The following JMJD6 variants were observed in gnomAD, a reference collection of about 807,000 sequenced individuals.
The protein encoded by JMJD6 is jumonji domain containing 6, arginine demethylase and lysine hydroxylase, also known as bifunctional arginine demethylase and lysyl-hydroxylase JMJD6.
A neutral mutation model predicts 45.8 loss-of-function variants in JMJD6; 17 were observed. The ratio of observed to expected loss-of-function variants is 0.37; its 90% CI spans 0.25 to 0.56. The LOEUF is 0.56. JMJD6 is among the 20% of genes least tolerant of loss of function. The pLI, the probability that JMJD6 is intolerant of heterozygous loss-of-function variation, is 0.79. For missense variants in JMJD6, 470 were observed against 517.5 expected (o/e 0.91, Z 0.89); for synonymous variants, 221 against 196.3 (o/e 1.13, Z -1.05).
intron 2 of JMJD6, among the ~76,000 whole-genome samples, chr17:76,724,347 C>A (rs2076870201): frequency 6.6e-6 from 1 of 151,772 alleles, no homozygotes; most frequent in Non-Finnish European, 1.5e-5. Context: ...GTCTCGAACT[C>A]CTGGCCTCAA....
At position 76,718,641 on chromosome 17, in the gene JMJD6, C is replaced by T. The variant is rs1335057994; in HGVS notation, c.*88G>A. 2.0e-6 allele frequency: 3 copies of T among 1,527,944 alleles called. No homozygotes were observed. The highest frequency in any genetic ancestry group is 2.6e-6 in the Non-Finnish European group (3 of 1,140,776). The allele number at this position is 1,527,944 out of a possible 1,614,324, so 94.6% of individuals were successfully genotyped here. On this transcript the variant is annotated 3_prime_UTR_variant, in exon 6 of 6. Coordinates refer to ENST00000397625, the MANE Select transcript of JMJD6 (RefSeq NM_015167.3). ...ATTCTTGGGCTCTGTCAGGCCTCCC[C>T]TTGTCTGCAGGACTGGACAGGCCAC...
In JMJD6 at chr17:76,721,776, A is replaced by G. The variant is rs780217275; in HGVS notation, c.941+22T>C. ...GGGTCGAAATTGAAACCAAGCAGAA[A>G]TAAGAAAAAAATGACTCTCACCTAT... is the stretch of plus-strand genomic sequence containing the variant. On this transcript the variant is annotated intron_variant, in intron 4 of 5. Transcript: ENST00000397625. 4 of 1,609,092 alleles carry G rather than the reference A, an allele frequency of 2.5e-6. No homozygotes were observed. In the Admixed American group the frequency reaches 5.1e-5, roughly 20 times the overall value.
At chr17:76,713,163 T>A (rs2076741582) in exon 7 of JMJD6, 1 of 152,350 alleles carries the variant, frequency 6.6e-6, no homozygotes, top group African/African-American at 2.4e-5. Context: ...AGTGGCTTGA[T>A]CTCAGCTCAC....
intron 3 of JMJD6, 138 bp downstream of exon 3, chr17:76,723,634 G>A (rs922024917): frequency 5.3e-5 from 42 of 792,434 alleles, no homozygotes; most frequent in Non-Finnish European, 7.5e-5. Context: ...GTAGAGACGG[G>A]GTTTCACCGT....
Position 76,725,545 on chromosome 17 carries a change from A to G in JMJD6, c.440T>C (p.Leu147Ser), listed in dbSNP as rs376208302. 2.0e-5 allele frequency: 33 copies of G among 1,614,066 alleles called. No individual in the cohort carries two copies. Among genetic ancestry groups the G allele is most frequent in the Non-Finnish European group, 2.8e-5 (33 of 1,180,034 alleles). ...AAACTTTGGCACCTTGTAGTCTTCC[A>G]AAAGTTTCCTTCTTTTAGGGTGTTC... is the stretch of plus-strand genomic sequence containing the variant. ...YGEHPKRRKL[L>S]EDYKVPKFFT... The change falls in exon 2 of 6, where the codon TTG becomes TCG. Residue 147 changes from leucine to serine, a missense_variant. Physicochemically the swap from Leu to Ser is moderately radical, Grantham distance 145. This residue lies in a region of JMJD6 where 346 missense variants were observed against 339.5 expected (regional missense o/e 1.02). Coordinates refer to ENST00000397625, the MANE Select transcript of JMJD6 (RefSeq NM_015167.3).
rs767600969 is a variant in JMJD6, at chr17:76,726,493, T to A, written c.-18A>T. ...TGGTTCATTCTGCGGGGTCGCCAGC[T>A]GGTTCCGCTACGACCTCGGCGCAGC... On this transcript the variant is annotated 5_prime_UTR_variant, in exon 1 of 6. Transcript: ENST00000397625. 26 of 1,585,060 alleles carry A rather than the reference T, an allele frequency of 1.6e-5. No homozygotes were observed. Among genetic ancestry groups the A allele is most frequent in the Non-Finnish European group, 1.9e-5 (22 of 1,166,346 alleles).
rs1367530719 is a variant in JMJD6 at position 76,726,491 on chromosome 17, G to A, written c.-16C>T. 5.0e-6 allele frequency: 8 copies of A among 1,585,158 alleles called. No individual in the cohort carries two copies. The highest frequency in any genetic ancestry group is 1.1e-5 in the South Asian group (1 of 89,004). On this transcript the variant is annotated 5_prime_UTR_variant, in exon 1 of 6. Transcript: ENST00000397625. ...TGTGGTTCATTCTGCGGGGTCGCCA[G>A]CTGGTTCCGCTACGACCTCGGCGCA...
In JMJD6 at chr17:76,718,560, G is replaced by C; in HGVS notation, c.*169C>G. On this transcript the variant is annotated 3_prime_UTR_variant, in exon 6 of 6. Coordinates refer to ENST00000397625, the MANE Select transcript of JMJD6 (RefSeq NM_015167.3). ...GCGTTTATCTGCATTGGTAGCAGAG[G>C]GAAAGCTACTGGAGCAAACGCTAAG... 7.2e-7 allele frequency: 1 copy of C among 1,393,546 alleles called. No individual in the cohort carries two copies. The highest frequency in any genetic ancestry group is 9.3e-7 in the Non-Finnish European group (1 of 1,076,370). 86.3% of individuals were successfully genotyped at this position (1,393,546 alleles called of 1,614,324 possible).
rs1382001261 is a variant in JMJD6 at position 76,725,688 on chromosome 17, G to C, written c.297C>G (p.Phe99Leu). 2 of 1,614,024 alleles carry C rather than the reference G, an allele frequency of 1.2e-6. No individual in the cohort carries two copies. Among genetic ancestry groups the C allele is most frequent in the Non-Finnish European group, 1.7e-6 (2 of 1,180,004 alleles). ...RLKRKYRNQKFKCGEDNDGYS... is the reference protein window; with the variant it reads ...RLKRKYRNQKLKCGEDNDGYS... Reference sequence around the variant, plus strand: ...AGCCATCGTTATCCTCACCACACTTGAACTTCTGGTTCCGATATTTCCTTT... The same window carrying C: ...AGCCATCGTTATCCTCACCACACTTCAACTTCTGGTTCCGATATTTCCTTT... The change falls in exon 2 of 6, where the codon TTC becomes TTG. Residue 99 changes from phenylalanine to leucine, a missense_variant. Phe to Leu is a conservative substitution (Grantham distance 22). Around this residue, in one of 4 missense-constraint regions of JMJD6, gnomAD observed 346 missense variants for 339.5 expected, o/e 1.02. Coordinates refer to ENST00000397625, the MANE Select transcript of JMJD6 (RefSeq NM_015167.3).
At position 76,725,715 on chromosome 17, in the gene JMJD6, T is replaced by G. The variant is rs376815189; in HGVS notation, c.270A>C (p.Leu90=). ...ACTTCTGGTTCCGATATTTCCTTTT[T>G]AGGCGCTCCAGAGTCCATTTCTCCT... ...SAQEKWTLER[L]KRKYRNQKFK... The change falls in exon 2 of 6, where the codon CTA becomes CTC. Residue 90 remains leucine, a synonymous_variant. Coordinates refer to ENST00000397625, the MANE Select transcript of JMJD6 (RefSeq NM_015167.3). The G allele has an allele frequency of 6.2e-7, 1 of 1,614,026 alleles. No homozygotes were observed. Among genetic ancestry groups the G allele is most frequent in the Non-Finnish European group, 8.5e-7 (1 of 1,180,020 alleles).
downstream of JMJD6, chr17:76,718,324 G>A (rs533610040): frequency 8.3e-4 from 481 of 581,808 alleles, no homozygotes; most frequent in South Asian, 0.015. Context: ...CTCTCCCTAC[G>A]CTGCTGGGAC....
rs548310940 is a variant in JMJD6, at chr17:76,718,516, T to C, written c.*213A>G. 1.2e-4 allele frequency: 168 copies of C among 1,363,388 alleles called. 1 individual carries two copies. Among genetic ancestry groups the C allele is most frequent in the Non-Finnish European group, 1.5e-4 (158 of 1,061,638 alleles). The allele number at this position is 1,363,388 out of a possible 1,614,324, so 84.5% of individuals were successfully genotyped here. A position where few individuals can be genotyped will look rare whatever the true frequency, so the allele number is the denominator to read the frequency against. On this transcript the variant is annotated 3_prime_UTR_variant, in exon 6 of 6. Transcript: ENST00000397625. ...TTTCTTGGCACTATTCACATTCTCTTGCCTGAGTAAAACAAGCCGCGTTTA... is the reference window on the plus strand; with the variant it reads ...TTTCTTGGCACTATTCACATTCTCTCGCCTGAGTAAAACAAGCCGCGTTTA...
chr17:76,720,399 G>A lies in JMJD6; in HGVS notation c.1041C>T (p.Ser347=), dbSNP rs1242524894. 6.2e-7 allele frequency: 1 copy of A among 1,614,180 alleles called. No individual in the cohort carries two copies. Residue 347 remains serine, a synonymous_variant, in exon 5 of 6, where the codon TCC becomes TCT. Transcript: ENST00000397625. ...CTGACGAACTGGAGCTGGAGGAGCT[G>A]GAAGAGTCGCTGGAGCTGTCGGAAG... ...GIASDSSSDS[S]SSSSSSSSDS...
chr17:76,715,951 C>T (rs2143714833), downstream of JMJD6: 1 of 152,320 alleles, frequency 6.6e-6, no homozygotes, highest in South Asian at 2.1e-4. Flanking sequence ...GCAAAGTGAG[C>T]ACTTCTTATG....
chr17:76,724,829 A>G (rs1410857581), intron 2 of JMJD6, among the ~76,000 whole-genome samples: 3 of 152,082 alleles, frequency 2.0e-5, no homozygotes, highest in African/African-American at 7.2e-5. Context: ...TGAAGAAAAA[A>G]AAAAGAAAAA....
At chr17:76,725,935 C>T in intron 1 of JMJD6, 80 bp from the exon 2 acceptor site, 1 of 1,464,246 alleles carries the variant, frequency 6.8e-7, no homozygotes, top group Non-Finnish European at 9.0e-7. Context: ...CCAAGGCCAA[C>T]TGGTAATGAC....
chr17:76,721,238 G>T, intron 4 of JMJD6: 1 of 381,322 alleles, frequency 2.6e-6, no homozygotes, highest in South Asian at 1.8e-5. Flanking sequence ...GCTGAGCATG[G>T]AACAAGCCAG....
At chr17:76,719,487 T>C (rs1015528784) in intron 5 of JMJD6, among the ~76,000 whole-genome samples, 1 of 152,058 alleles carries the variant, frequency 6.6e-6, no homozygotes, top group Non-Finnish European at 1.5e-5. Context: ...TGGGATTTCA[T>C]CATGTTGGCC....
chr17:76,720,928 ATTCTAT>A (rs1457223047), intron 4 of JMJD6, among the ~76,000 whole-genome samples: 1 of 152,200 alleles, frequency 6.6e-6, no homozygotes, highest in Non-Finnish European at 1.5e-5. Context: ...CATTGGTTAG[ATTCTAT>A]TTCTAAGAGT....
Sources: allele counts gnomAD v4.1 joint callset (sites outside exome capture counted in the v4.1 genomes callset), GRCh38; gene constraint gnomAD v4.1.1; regional missense constraint gnomAD v4.1.1; transcripts MANE v1.5; gene names NCBI Gene and HGNC (gene_info 2026-07-23, HGNC 2026-07-21).